ADGB: variants seen among roughly 807,000 people sequenced by gnomAD.
The protein encoded by ADGB is calpain-7-like protein.
Under a neutral mutation model 210.5 loss-of-function variants are expected in ADGB, and 172 were observed. The observed-to-expected ratio is 0.82, with a 90% CI of 0.72 to 0.93. The LOEUF is 0.93. Among genes scored for constraint, ADGB ranks in the 40% least tolerant of loss-of-function variants. The pLI is 0.00. For synonymous variants in ADGB, 658 were observed against 662.7 expected (o/e 0.99, Z 0.11); for missense variants, 2,025 against 1,964.8 (o/e 1.03, Z -0.58).
intron 26 of ADGB, among the ~76,000 whole-genome samples, chr6:146,747,093 G>A (rs938477082): frequency 6.6e-6 from 1 of 152,092 alleles, no homozygotes; most frequent in Non-Finnish European, 1.5e-5. Flanking sequence ...TGGCCACTGT[G>A]AGAATCAACA....
At chr6:146,672,723 CTTTCTTTTTTTTTTT>C (rs1776026914) in intron 8 of ADGB, among the ~76,000 whole-genome samples, 1 of 84,528 alleles carries the variant, frequency 1.2e-5, no homozygotes, top group Non-Finnish European at 2.2e-5. Context: ...TTCAGTTTTT[CTTTCTTTTTTTTTTT>C]TTTCTTTTTG....
At chr6:146,632,472 A>C (rs549811113) in intron 1 of ADGB, among the ~76,000 whole-genome samples, 1 of 152,184 alleles carries the variant, frequency 6.6e-6, no homozygotes, top group East Asian at 1.9e-4. Flanking sequence ...TTTTCAATGG[A>C]GGGTAACAGA....
chr6:146,621,404 A>G (rs955834749), intron 1 of ADGB, among the ~76,000 whole-genome samples: 4 of 152,030 alleles, frequency 2.6e-5, no homozygotes, highest in African/African-American at 4.8e-5. Context: ...GGTACACCCA[A>G]TTGCTCCCCT....
intron 16 of ADGB, among the ~76,000 whole-genome samples, chr6:146,720,532 G>T (rs956841292): frequency 3.3e-5 from 5 of 152,048 alleles, no homozygotes; most frequent in African/African-American, 1.2e-4. Context: ...GCAAGCAATG[G>T]GTATTGAGTT....
chr6:146,692,410 C>T (rs983724107), intron 11 of ADGB, among the ~76,000 whole-genome samples: 2 of 152,080 alleles, frequency 1.3e-5, no homozygotes, highest in African/African-American at 2.4e-5. Context: ...CTTCCACTGC[C>T]GTATTCATAT....
At chr6:146,800,594 T>C (rs1778114240) in intron 33 of ADGB, among the ~76,000 whole-genome samples, 1 of 152,184 alleles carries the variant, frequency 6.6e-6, no homozygotes, top group Non-Finnish European at 1.5e-5. Context: ...TAGACTCAAG[T>C]CTTTTAAATC....
intron 35 of ADGB, among the ~76,000 whole-genome samples, chr6:146,814,235 G>A (rs1445342890): frequency 6.6e-6 from 1 of 152,218 alleles, no homozygotes; most frequent in Non-Finnish European, 1.5e-5. Context: ...CAAGGATGAA[G>A]ACAAAGCAGT....
At chr6:146,741,396 C>A in intron 25 of ADGB, 125 bp downstream of exon 25, 1 of 794,948 alleles carries the variant, frequency 1.3e-6, no homozygotes, top group South Asian at 2.0e-5. Flanking sequence ...AGGCCCTGAT[C>A]TTTCACTATA....
chr6:146,683,361 T>C lies in ADGB; in HGVS notation c.1217-2373T>C, dbSNP rs538127776. On this transcript the variant is annotated intron_variant, in intron 9 of 35. Coordinates refer to ENST00000397944, the MANE Select transcript of ADGB (RefSeq NM_024694.4). Reference sequence around the variant, plus strand: ...AGATGTATAAAACTTAGTTTGAAAATCCCTATTTAATAGCACATTCCTATC... The same window carrying C: ...AGATGTATAAAACTTAGTTTGAAAACCCCTATTTAATAGCACATTCCTATC... 5.3e-5 allele frequency among the ~76,000 whole-genome samples: 8 copies of C among 152,196 alleles called. No homozygotes were observed. In the East Asian group the frequency reaches 1.5e-3, roughly 29 times the overall value.
intron 3 of ADGB, among the ~76,000 whole-genome samples, chr6:146,646,295 G>A (rs1271755119): frequency 6.6e-6 from 1 of 152,006 alleles, no homozygotes; most frequent in East Asian, 1.9e-4. Context: ...GGCTACCTGT[G>A]CCAGGCCATC....
At chr6:146,657,072 C>A in intron 5 of ADGB, 92 bp downstream of exon 5, 1 of 1,204,222 alleles carries the variant, frequency 8.3e-7, no homozygotes, top group Non-Finnish European at 1.2e-6. Flanking sequence ...GTAATCGCAG[C>A]ACTTTGGGAG....
At chr6:146,785,077 C>G (rs146187757) in intron 31 of ADGB, among the ~76,000 whole-genome samples, 197 of 152,264 alleles carry the variant, frequency 1.3e-3, no homozygotes, top group African/African-American at 4.3e-3. Flanking sequence ...CCCTGGCTTT[C>G]TGCACGTCTG....
intron 1 of ADGB, among the ~76,000 whole-genome samples, chr6:146,611,827 T>G (rs541165999): frequency 3.3e-5 from 5 of 152,226 alleles, no homozygotes; most frequent in African/African-American, 1.2e-4. Context: ...GTACATGTAC[T>G]AGCCTTTGGG....
At chr6:146,696,791 T>A (rs1776410510) in intron 12 of ADGB, among the ~76,000 whole-genome samples, 2 of 152,170 alleles carry the variant, frequency 1.3e-5, no homozygotes, top group African/African-American at 4.8e-5. Context: ...ACTGGGATAT[T>A]GCCTGGAGAC....
intron 7 of ADGB, among the ~76,000 whole-genome samples, chr6:146,671,711 A>G (rs778964791): frequency 3.3e-5 from 5 of 152,192 alleles, no homozygotes; most frequent in Non-Finnish European, 7.4e-5. Context: ...AGTGAGCAGA[A>G]GAAAGGGAGT....
chr6:146,607,722 T>C (rs1305558980), intron 1 of ADGB, among the ~76,000 whole-genome samples: 2 of 152,228 alleles, frequency 1.3e-5, no homozygotes, highest in African/African-American at 4.8e-5. Context: ...GAACCAACCT[T>C]GCATCCCATG....
intron 16 of ADGB, among the ~76,000 whole-genome samples, chr6:146,718,224 G>C (rs1776762568): frequency 6.6e-6 from 1 of 151,704 alleles, no homozygotes. Context: ...GCATGCGCCT[G>C]TAATCTCAGC....
chr6:146,746,287 G>C (rs1777236178), intron 26 of ADGB, among the ~76,000 whole-genome samples, 178 bp downstream of exon 26: 1 of 152,162 alleles, frequency 6.6e-6, no homozygotes, highest in African/African-American at 2.4e-5. Context: ...GATTAAGCCT[G>C]TATGGCTACA....
intron 26 of ADGB, among the ~76,000 whole-genome samples, chr6:146,751,186 T>G (rs1422708047): frequency 1.4e-5 from 2 of 143,356 alleles, no homozygotes; most frequent in Non-Finnish European, 3.0e-5. Context: ...TGTGTCCATG[T>G]GTTCTCATTG....
Sources: allele counts gnomAD v4.1 joint callset (sites outside exome capture counted in the v4.1 genomes callset), GRCh38; gene constraint gnomAD v4.1.1; transcripts MANE v1.5; gene names NCBI Gene and HGNC (gene_info 2026-07-23, HGNC 2026-07-21).